TMEM91: variants seen among roughly 807,000 people sequenced by gnomAD.
TMEM91 encodes the protein transmembrane protein 91.
In TMEM91, 6 loss-of-function variants were observed where a neutral mutation model predicts 13.3. The ratio of observed to expected loss-of-function variants is 0.45; its 90% confidence interval spans 0.25 to 0.89. The LOEUF (loss-of-function observed/expected upper bound fraction) is 0.89. Among genes scored for constraint, TMEM91 ranks in the 40% least tolerant of loss-of-function variants. The probability of loss-of-function intolerance (pLI) is 0.19; values close to 1 mark genes in which losing one functional copy is unlikely to be tolerated. For missense variants in TMEM91, 193 were observed against 228.7 expected (o/e 0.84, Z 1.01); for synonymous variants, 87 against 101.7 (o/e 0.86, Z 0.87).
chr19:41,381,452 C>G (rs1490804804), intron 2 of TMEM91, among the ~76,000 whole-genome samples: 19 of 151,590 alleles, frequency 1.3e-4, no homozygotes, highest in Admixed American at 1.2e-3. Flanking sequence ...GCTCTGCCTC[C>G]CGGGTTCATG....
upstream of TMEM91, among the ~76,000 whole-genome samples, chr19:41,376,051 C>G (rs1262900975): frequency 6.6e-6 from 1 of 151,926 alleles, no homozygotes; most frequent in African/African-American, 2.4e-5. Context: ...ACCCGGGAAG[C>G]GGAGGTTGCG....
chr19:41,377,668 A>C (rs1357632375), intron 1 of TMEM91, among the ~76,000 whole-genome samples: 1 of 151,968 alleles, frequency 6.6e-6, no homozygotes, highest in Non-Finnish European at 1.5e-5. Flanking sequence ...CAGGTGCTGC[A>C]ACTTATTGGG....
At position 41,382,933 on chromosome 19, in the gene TMEM91, T is replaced by C; in HGVS notation, c.360+12T>C. 1.9e-6 allele frequency: 3 copies of C among 1,612,476 alleles called. No homozygotes were observed. Among genetic ancestry groups the C allele is most frequent in the Non-Finnish European group, 2.5e-6 (3 of 1,179,020 alleles). On this transcript the variant is annotated intron_variant, in intron 3 of 3. Transcript: ENST00000392002. ...GTCTAGCCCAGAAGGTCAGTCTGTG[T>C]GTGGGACTTGGAGGGGACTGGGCAT...
chr19:41,367,074 GCA>G (rs2123158184), intron 1 of TMEM91, among the ~76,000 whole-genome samples: 1 of 152,160 alleles, frequency 6.6e-6, no homozygotes, highest in East Asian at 1.9e-4. Flanking sequence ...CTGGGAGGCA[GCA>G]GTTGCAGTGA....
intron 1 of TMEM91, among the ~76,000 whole-genome samples, chr19:41,365,715 T>C (rs1191717002): frequency 2.1e-5 from 3 of 139,542 alleles, no homozygotes; most frequent in African/African-American, 8.1e-5. Context: ...GGGTTTTTTT[T>C]TTTTTTTTTT....
chr19:41,368,550 C>G (rs1379993311), intron 1 of TMEM91, among the ~76,000 whole-genome samples: 1 of 151,762 alleles, frequency 6.6e-6, no homozygotes. Flanking sequence ...GCTGGGATTA[C>G]AGGCATGTGC....
In TMEM91 at chr19:41,378,474, C is replaced by G. The variant is rs1427896613; in HGVS notation, c.165C>G (p.Pro55=). The change falls in exon 2 of 4, where the codon CCC becomes CCG. Residue 55 remains proline, a synonymous_variant. Transcript: ENST00000392002. ...RGLQFLSPPL[P]SVSAGLGEPR... is the part of the protein sequence containing the mutation. Reference sequence around the variant, plus strand: ...TGCAGTTCCTGTCACCGCCTCTTCCCTCCGTGAGCGCTGGCCTGGGGGAAC... The same window carrying G: ...TGCAGTTCCTGTCACCGCCTCTTCCGTCCGTGAGCGCTGGCCTGGGGGAAC... 6.2e-7 allele frequency: 1 copy of G among 1,613,988 alleles called. No homozygotes were observed. Among genetic ancestry groups the G allele is most frequent in the Admixed American group, 1.7e-5 (1 of 59,986 alleles).
chr19:41,377,857 A>C (rs2038760207), intron 1 of TMEM91, among the ~76,000 whole-genome samples: 2 of 124,530 alleles, frequency 1.6e-5, no homozygotes, highest in African/African-American at 5.3e-5. Context: ...CTAAAAATAC[A>C]AAAAAAAAAA....
upstream of TMEM91, among the ~76,000 whole-genome samples, chr19:41,372,085 C>A (rs2038633644): frequency 6.6e-6 from 1 of 151,218 alleles, no homozygotes. Context: ...GTAATCACAG[C>A]ACTTTGGGAG....
At chr19:41,371,816 T>G (rs1007647659), upstream of TMEM91, among the ~76,000 whole-genome samples, 1 of 152,142 alleles carries the variant, frequency 6.6e-6, no homozygotes, top group East Asian at 1.9e-4. Flanking sequence ...ATTATTTCAC[T>G]TAGCATAGTG....
At chr19:41,368,824 A>G (rs2038569359) in intron 1 of TMEM91, among the ~76,000 whole-genome samples, 1 of 149,488 alleles carries the variant, frequency 6.7e-6, no homozygotes, top group Non-Finnish European at 1.5e-5. Flanking sequence ...TCTAACCAAT[A>G]GAATATGGGG....
At chr19:41,369,292 C>T (rs2038576070) in intron 1 of TMEM91, among the ~76,000 whole-genome samples, 1 of 152,106 alleles carries the variant, frequency 6.6e-6, no homozygotes. Flanking sequence ...ATTCTCCTGC[C>T]TCAGCCTCCC....
chr19:41,366,621 C>T (rs1306497201), intron 1 of TMEM91, among the ~76,000 whole-genome samples: 1 of 151,984 alleles, frequency 6.6e-6, no homozygotes, highest in African/African-American at 2.4e-5. Flanking sequence ...GCACCTCCTG[C>T]CTCATTTTTG....
At position 41,383,800 on chromosome 19, in the gene TMEM91, G is replaced by GGGTCCT. The variant is rs1268768016; in HGVS notation, c.447_448insGTCCTG (p.Gly149_Leu150insValLeu). ...TTCCTGCTGGGGGTCCTCGCCGTCG[G>GGGTCCT]GCTGGGCGTGTGCACGTATGCGGCT... On this transcript the variant is annotated inframe_insertion, in exon 4 of 4. Transcript: ENST00000392002. 2 of 1,611,800 alleles carry GGGTCCT rather than the reference G, an allele frequency of 1.2e-6. No homozygotes were observed. The highest frequency in any genetic ancestry group is 1.7e-5 in the Admixed American group (1 of 59,766).
At chr19:41,376,900 G>A (rs1167795648) in intron 1 of TMEM91, 46 bp downstream of exon 1, 2 of 152,380 alleles carry the variant, frequency 1.3e-5, no homozygotes, top group East Asian at 3.8e-4. Flanking sequence ...CCCTTCCCTG[G>A]GTCCTGGAGT....
At chr19:41,376,330 G>A (rs1328556488), upstream of TMEM91, 1 of 152,164 alleles carries the variant, frequency 6.6e-6, no homozygotes, top group Non-Finnish European at 1.5e-5. Flanking sequence ...TTCCTCCCGC[G>A]TGAAACAGGA....
At chr19:41,376,946 G>A (rs1188184921) in intron 1 of TMEM91, 92 bp downstream of exon 1, 1 of 152,408 alleles carries the variant, frequency 6.6e-6, no homozygotes, top group Non-Finnish European at 1.5e-5. Flanking sequence ...CGAGGAAATC[G>A]GCTCAGTCAA....
At chr19:41,369,175 T>TTTG (rs1038760359) in intron 1 of TMEM91, among the ~76,000 whole-genome samples, 2 of 151,538 alleles carry the variant, frequency 1.3e-5, no homozygotes, top group Non-Finnish European at 2.9e-5. Flanking sequence ...CTACTTCATT[T>TTTG]TTGTTGTTGT....
chr19:41,369,272 G>C (rs148514522), intron 1 of TMEM91, among the ~76,000 whole-genome samples: 1,962 of 152,140 alleles, frequency 0.013, 42 homozygotes, highest in African/African-American at 0.045. Context: ...CTGCCTCCTG[G>C]GTTCAAGTGA....
Sources: allele counts gnomAD v4.1 joint callset (sites outside exome capture counted in the v4.1 genomes callset), GRCh38; gene constraint gnomAD v4.1.1; transcripts MANE v1.5; gene names NCBI Gene and HGNC (gene_info 2026-07-23, HGNC 2026-07-21).